The following IQCJ variants were observed in gnomAD, a reference collection of about 807,000 sequenced individuals.
IQCJ encodes IQ motif containing J, also known as IQ domain-containing protein J.
Under a neutral mutation model 11.0 loss-of-function variants are expected in IQCJ, and 9 were observed. That is an observed-to-expected ratio of 0.82 (90% confidence interval 0.49 to 1.43). The LOEUF (loss-of-function observed/expected upper bound fraction) is 1.43, where lower values mean the gene tolerates loss of function less well. IQCJ is among the 40% of genes most tolerant of loss of function. IQCJ has a pLI of 0.00. For synonymous variants in IQCJ, 55 were observed against 51.3 expected (o/e 1.07, Z -0.31); for missense variants, 146 against 133.2 (o/e 1.10, Z -0.47).
intron 1 of IQCJ, among the ~76,000 whole-genome samples, chr3:159,197,099 CTTG>C (rs1377361693): frequency 6.6e-6 from 1 of 152,032 alleles, no homozygotes; most frequent in Admixed American, 6.6e-5. Context: ...TCCTTTGCCA[CTTG>C]TATGTAAGCA....
chr3:159,070,690 A>G (rs1284923037), intron 1 of IQCJ, among the ~76,000 whole-genome samples: 1 of 152,138 alleles, frequency 6.6e-6, no homozygotes, highest in African/African-American at 2.4e-5. Flanking sequence ...TAGCAAGTCA[A>G]ATAGCATTCA....
intron 1 of IQCJ, among the ~76,000 whole-genome samples, chr3:159,222,313 C>A (rs968913168): frequency 6.6e-6 from 1 of 151,976 alleles, no homozygotes; most frequent in Non-Finnish European, 1.5e-5. Flanking sequence ...TATTATTCAG[C>A]CTTTAAAAAG....
intron 2 of IQCJ, among the ~76,000 whole-genome samples, chr3:159,247,964 A>G (rs1475720016): frequency 6.6e-6 from 1 of 152,182 alleles, no homozygotes; most frequent in African/African-American, 2.4e-5. Flanking sequence ...CCAGTAGCTG[A>G]TAAGATACTG....
intron 1 of IQCJ, among the ~76,000 whole-genome samples, chr3:159,082,310 C>A (rs936330554): frequency 9.9e-5 from 15 of 151,160 alleles, no homozygotes; most frequent in Admixed American, 8.6e-4. Flanking sequence ...ATTTGCTTTA[C>A]AGGTATTAAC....
At chr3:159,184,676 GTTCTTGAGGACTGAGTCCATCATTTT>G (rs1723284715) in intron 1 of IQCJ, among the ~76,000 whole-genome samples, 2 of 152,134 alleles carry the variant, frequency 1.3e-5, no homozygotes, top group African/African-American at 4.8e-5. Context: ...ACATTCCATG[GTTCTTGAGGACTGAGTCCATCATTTT>G]ATTTACTTTT....
intron 1 of IQCJ, among the ~76,000 whole-genome samples, chr3:159,075,007 A>G (rs1293134997): frequency 6.6e-6 from 1 of 152,138 alleles, no homozygotes. Flanking sequence ...ACAAAGGGAC[A>G]AAGGTAATTG....
chr3:159,129,339 G>T (rs956738658), intron 1 of IQCJ, among the ~76,000 whole-genome samples: 1 of 152,204 alleles, frequency 6.6e-6, no homozygotes, highest in South Asian at 2.1e-4. Context: ...AGTTTGAGAA[G>T]CTCAGGGCTA....
chr3:159,243,137 G>T (rs1364106223), intron 1 of IQCJ, among the ~76,000 whole-genome samples: 3 of 152,166 alleles, frequency 2.0e-5, no homozygotes, highest in Non-Finnish European at 4.4e-5. Flanking sequence ...CTCTTACATT[G>T]CTGGTTGGAA....
chr3:159,156,960 C>T (rs1181146844), intron 1 of IQCJ, among the ~76,000 whole-genome samples: 2 of 152,160 alleles, frequency 1.3e-5, no homozygotes, highest in African/African-American at 2.4e-5. Context: ...ATAACCTACA[C>T]CTGGCTGTTT....
intron 2 of IQCJ, among the ~76,000 whole-genome samples, chr3:159,248,413 A>G (rs1164746206): frequency 6.6e-6 from 1 of 152,228 alleles, no homozygotes; most frequent in African/African-American, 2.4e-5. Context: ...ATAAGAATAA[A>G]ATAGTAGAAT....
intron 1 of IQCJ, among the ~76,000 whole-genome samples, chr3:159,082,394 C>A (rs899640424): frequency 2.0e-5 from 3 of 150,812 alleles, no homozygotes; most frequent in Admixed American, 6.6e-5. Flanking sequence ...AAAACAGAGG[C>A]AGTAAAGAAG....
intron 1 of IQCJ, among the ~76,000 whole-genome samples, chr3:159,207,785 G>C (rs752528819): frequency 6.6e-6 from 1 of 152,180 alleles, no homozygotes; most frequent in Non-Finnish European, 1.5e-5. Context: ...AGCTCCATCT[G>C]GTTGGTGTTG....
intron 1 of IQCJ, among the ~76,000 whole-genome samples, chr3:159,208,341 G>A (rs1408906051): frequency 6.6e-6 from 1 of 152,084 alleles, no homozygotes; most frequent in Non-Finnish European, 1.5e-5. Flanking sequence ...GAGAGACCAG[G>A]TCAGCCATCA....
intron 1 of IQCJ, among the ~76,000 whole-genome samples, chr3:159,199,935 G>C (rs1018596652): frequency 6.6e-6 from 1 of 150,798 alleles, no homozygotes; most frequent in African/African-American, 2.4e-5. Context: ...GTGTAACTTT[G>C]AGTAAGATAC....
At chr3:159,182,515 C>T (rs78493620) in intron 1 of IQCJ, among the ~76,000 whole-genome samples, 4 of 151,928 alleles carry the variant, frequency 2.6e-5, no homozygotes, top group Admixed American at 6.5e-5. Flanking sequence ...CTTATTCGGC[C>T]GGGGGCATCG....
intron 2 of IQCJ, among the ~76,000 whole-genome samples, chr3:159,248,415 T>C (rs1421674771): frequency 6.6e-6 from 1 of 152,210 alleles, no homozygotes; most frequent in African/African-American, 2.4e-5. Flanking sequence ...AAGAATAAAA[T>C]AGTAGAATTT....
chr3:159,196,121 C>T (rs1022481609), intron 1 of IQCJ, among the ~76,000 whole-genome samples: 11 of 152,084 alleles, frequency 7.2e-5, no homozygotes, highest in Non-Finnish European at 1.2e-4. Flanking sequence ...TTCCCAAATC[C>T]ACACAGCTAA....
chr3:159,085,991 C>T (rs1211819638), intron 1 of IQCJ, among the ~76,000 whole-genome samples: 3 of 152,140 alleles, frequency 2.0e-5, no homozygotes, highest in Non-Finnish European at 4.4e-5. Flanking sequence ...AAGCCTTGCC[C>T]ATGCCTATGT....
rs1204907242 is a variant in IQCJ at position 159,084,106 on chromosome 3, A to G, written c.9+14665A>G. On this transcript the variant is annotated intron_variant, in intron 1 of 3. Coordinates refer to ENST00000397832, the MANE Select transcript of IQCJ (RefSeq NM_001042706.3). Reference sequence around the variant, plus strand: ...TGATTAAGCTTGGTGGATTGTATCAATATCAATTTTCTGGTTGTGATATTA... The same window carrying G: ...TGATTAAGCTTGGTGGATTGTATCAGTATCAATTTTCTGGTTGTGATATTA... Among the ~76,000 whole-genome samples, 2 of 152,132 alleles carry G rather than the reference A, an allele frequency of 1.3e-5. 1 individual carries two copies. Among genetic ancestry groups the G allele is most frequent in the Admixed American group, 1.3e-4 (2 of 15,254 alleles).
Sources: gnomAD v4.1 joint callset for allele counts (sites outside exome capture counted in the v4.1 genomes callset) on GRCh38, gnomAD v4.1.1 for gene constraint, MANE v1.5 for transcripts, NCBI Gene and HGNC (gene_info 2026-07-23, HGNC 2026-07-21) for gene names.